The following IGSF9B variants were observed in gnomAD, a reference collection of about 807,000 sequenced individuals.
The protein encoded by IGSF9B is immunoglobulin superfamily member 9B, also known as protein turtle homolog B.
In IGSF9B, 48 loss-of-function variants were observed where a neutral mutation model predicts 143.7. That is an observed-to-expected ratio of 0.33 (90% confidence interval 0.26 to 0.42). IGSF9B has a LOEUF of 0.42. Ranked by LOEUF, IGSF9B falls within the 20% of genes least tolerant of loss-of-function variation. The probability of loss-of-function intolerance (pLI) is 1.00; values close to 1 mark genes in which losing one functional copy is unlikely to be tolerated. For synonymous variants in IGSF9B, 903 were observed against 833.1 expected, an observed-to-expected ratio of 1.08 and a Z score of -1.44; for missense variants, 1,706 against 1,980.0, an observed-to-expected ratio of 0.86 and a Z score of 2.63.
At chr11:133,910,545 T>C (rs1224796162) in intron 19 of IGSF9B, among the ~76,000 whole-genome samples, 1 of 152,154 alleles carries the variant, frequency 6.6e-6, no homozygotes, top group Non-Finnish European at 1.5e-5. Context: ...GTGCTAGTGA[T>C]TAAACCGAGG....
chr11:133,914,511 GTA>G (rs1397004953), intron 18 of IGSF9B, among the ~76,000 whole-genome samples: 1 of 152,188 alleles, frequency 6.6e-6, no homozygotes, highest in Non-Finnish European at 1.5e-5. Flanking sequence ...TGCTTAAGTT[GTA>G]TCGTCAAAGC....
chr11:133,899,525 G>A lies in IGSF9B; in HGVS notation c.*9544C>T, dbSNP rs1369148643. The stretch of plus-strand genomic sequence containing the variant: ...TCCCTTTCCCTCCCCAAAATGAAGA[G>A]TCCTGTTGGAGGCTGAGGAATAGAA... On this transcript the variant is annotated 3_prime_UTR_variant, in exon 20 of 20. Coordinates refer to ENST00000533871, the MANE Select transcript of IGSF9B (RefSeq NM_001277285.4). 2.0e-5 allele frequency: 3 copies of A among 152,464 alleles called. No homozygotes were observed. Among genetic ancestry groups the A allele is most frequent in the Admixed American group, 2.0e-4 (3 of 15,290 alleles). 9.4% of individuals were successfully genotyped at this position (152,464 alleles called of 1,614,324 possible). A position where few individuals can be genotyped will look rare whatever the true frequency, so the allele number is the denominator to read the frequency against.
intron 1 of IGSF9B, among the ~76,000 whole-genome samples, chr11:133,956,122 G>C (rs1940247932): frequency 6.6e-6 from 1 of 152,126 alleles, no homozygotes; most frequent in Admixed American, 6.5e-5. Flanking sequence ...AGGGGGATCC[G>C]ACCTCCAGCT....
chr11:133,926,443 G>A (rs1258276692), intron 13 of IGSF9B, among the ~76,000 whole-genome samples: 1 of 152,228 alleles, frequency 6.6e-6, no homozygotes, highest in Non-Finnish European at 1.5e-5. Flanking sequence ...CCTGTTCACA[G>A]TGGCCCTTTC....
chr11:133,910,106 C>G (rs1418062105), intron 19 of IGSF9B, among the ~76,000 whole-genome samples: 1 of 152,170 alleles, frequency 6.6e-6, no homozygotes, highest in Non-Finnish European at 1.5e-5. Flanking sequence ...GCAAGAAAGA[C>G]AGGCAGGGCA....
intron 1 of IGSF9B, among the ~76,000 whole-genome samples, chr11:133,950,292 A>G (rs1039627877): frequency 6.6e-6 from 1 of 152,232 alleles, no homozygotes; most frequent in African/African-American, 2.4e-5. Context: ...TGTGAGGAGC[A>G]GGGCCGGGCG....
intron 7 of IGSF9B, among the ~76,000 whole-genome samples, chr11:133,935,398 G>C (rs1270747429): frequency 6.6e-6 from 1 of 152,224 alleles, no homozygotes; most frequent in Non-Finnish European, 1.5e-5. Context: ...TGTACTGGCT[G>C]AACAGCGACG....
Position 133,937,307 on chromosome 11 carries a change from C to T in IGSF9B, c.679+69G>A, listed in dbSNP as rs545919737. 127 of 1,221,808 alleles carry T rather than the reference C, an allele frequency of 1.0e-4. 2 individuals carry two copies. In the South Asian group the frequency reaches 1.6e-3, roughly 15 times the overall value. The allele number at this position is 1,221,808 out of a possible 1,614,324, so 75.7% of individuals were successfully genotyped here. A position where few individuals can be genotyped will look rare whatever the true frequency, so the allele number is the denominator to read the frequency against. On this transcript the variant is annotated intron_variant, in intron 5 of 19. Coordinates refer to ENST00000533871, the MANE Select transcript of IGSF9B (RefSeq NM_001277285.4). ...AGCTGAGCCCTGGGAAAACGCCCTCCGTAGCTCAGCCGGGCTGGACATCCC... is the reference window on the plus strand; with the variant it reads ...AGCTGAGCCCTGGGAAAACGCCCTCTGTAGCTCAGCCGGGCTGGACATCCC...
chr11:133,921,500 C>T (rs544971580), intron 17 of IGSF9B, 103 bp from the exon 18 acceptor site: 8 of 881,720 alleles, frequency 9.1e-6, no homozygotes, highest in South Asian at 4.2e-5. Context: ...AGGATCCTCA[C>T]GCTCAAGAAA....
intron 7 of IGSF9B, among the ~76,000 whole-genome samples, chr11:133,933,930 T>C (rs913706652): frequency 1.3e-5 from 2 of 151,778 alleles, no homozygotes; most frequent in Non-Finnish European, 1.5e-5. Context: ...GTTACATAAA[T>C]ACCAGGCCGA....
Position 133,953,752 on chromosome 11 carries a change from A to G in IGSF9B, c.64+2939T>C, listed in dbSNP as rs1940204581. Reference sequence around the variant, plus strand: ...ATCCAAGGTCCACAATCAGCTAAGCACGGCCCAGGGTCCTCCCACAGAGTA... The same window carrying G: ...ATCCAAGGTCCACAATCAGCTAAGCGCGGCCCAGGGTCCTCCCACAGAGTA... On this transcript the variant is annotated intron_variant, in intron 1 of 19. Coordinates refer to ENST00000533871, the MANE Select transcript of IGSF9B (RefSeq NM_001277285.4). This position sits in a 1 kb window ranked among gnomAD's most constrained non-coding sequence, Gnocchi z 4.2. Among the ~76,000 whole-genome samples the G allele has an allele frequency of 6.6e-6, 1 of 152,108 alleles. No individual in the cohort carries two copies. Among genetic ancestry groups the G allele is most frequent in the East Asian group, 1.9e-4 (1 of 5,178 alleles).
intron 1 of IGSF9B, among the ~76,000 whole-genome samples, chr11:133,947,733 T>TCTCTCTCTCTCTCG: frequency 6.6e-6 from 1 of 151,604 alleles, no homozygotes; most frequent in East Asian, 1.9e-4. Flanking sequence ...TCTCTCTCTC[T>TCTCTCTCTCTCTCG]CTCTCTCGCA....
rs1170621309 is a variant in IGSF9B, at chr11:133,948,030, CCT to C, written c.65-1774_65-1773del. 4.7e-5 allele frequency among the ~76,000 whole-genome samples: 7 copies of C among 149,692 alleles called. No homozygotes were observed. The highest frequency in any genetic ancestry group is 2.1e-4 in the South Asian group (1 of 4,708). On this transcript the variant is annotated intron_variant, in intron 1 of 19. Transcript: ENST00000533871. This position sits in a 1 kb window ranked among gnomAD's most constrained non-coding sequence, Gnocchi z 4.7. ...CTGTGTCTACCTGCCTATCTCTCTC[CCT>C]GTTTCTGTCTACCAGCATGTGTGCG... is the stretch of plus-strand genomic sequence containing the variant.
At position 133,921,295 on chromosome 11, in the gene IGSF9B, G is replaced by T; in HGVS notation, c.2430C>A (p.Ser810Arg). 1 of 1,609,872 alleles carries T rather than the reference G, an allele frequency of 6.2e-7. No homozygotes were observed. Residue 810 changes from serine to arginine, a missense_variant, in exon 18 of 20, where the codon AGC becomes AGA. Ser to Arg is a moderately radical substitution (Grantham distance 110). Coordinates refer to ENST00000533871, the MANE Select transcript of IGSF9B (RefSeq NM_001277285.4). ...QGQPAAKRML[S>R]PTREKELSLY... ...GCGACAGCTCCTTCTCACGGGTGGG[G>T]CTCAGCATCCTCTTGGCCGCGGGCT...
chr11:133,910,537 G>A lies in IGSF9B; in HGVS notation c.4106-1260C>T, dbSNP rs118011574. 4.1e-3 allele frequency among the ~76,000 whole-genome samples: 624 copies of A among 152,330 alleles called. 1 individual carries two copies. The highest frequency in any genetic ancestry group is 7.0e-3 in the Non-Finnish European group (478 of 68,038). ...GCCTGACACCCCAGTGGGTACCAGT[G>A]CTAGTGATTAAACCGAGGAAGAGCT... On this transcript the variant is annotated intron_variant, in intron 19 of 19. Transcript: ENST00000533871.
rs1324211003 is a variant in IGSF9B, at chr11:133,897,744, G to C, written c.*11325C>G. 3 of 152,208 alleles carry C rather than the reference G, an allele frequency of 2.0e-5. No homozygotes were observed. The highest frequency in any genetic ancestry group is 7.2e-5 in the African/African-American group (3 of 41,446). The allele number at this position is 152,208 out of a possible 1,614,324, so 9.4% of individuals were successfully genotyped here. A position where few individuals can be genotyped will look rare whatever the true frequency, so the allele number is the denominator to read the frequency against. On this transcript the variant is annotated 3_prime_UTR_variant, in exon 20 of 20. Transcript: ENST00000533871. ...AAATAGTGGTTTTATTTACTTTTGA[G>C]TTACATACCTGAAGTTCAAAAAGTA...
rs1334506914 is a variant in IGSF9B at position 133,910,955 on chromosome 11, T to A, written c.4105+931A>T. On this transcript the variant is annotated intron_variant, in intron 19 of 19. Coordinates refer to ENST00000533871, the MANE Select transcript of IGSF9B (RefSeq NM_001277285.4). ...CTTTTTCTCTGCCTCAGTATTTCCA[T>A]CTGTAAACTGAAAGTATACTAGTAC... Among the ~76,000 whole-genome samples, 9 of 152,290 alleles carry A rather than the reference T, an allele frequency of 5.9e-5. No homozygotes were observed. The East Asian group carries it at 1.7e-3, about 29-fold the overall frequency.
intron 17 of IGSF9B, among the ~76,000 whole-genome samples, chr11:133,921,810 T>C (rs935140254): frequency 1.3e-5 from 2 of 152,072 alleles, no homozygotes; most frequent in African/African-American, 4.8e-5. Flanking sequence ...TCCCCTCTTT[T>C]CAAGACAAGC....
At chr11:133,938,302 C>T (rs2121323765) in intron 3 of IGSF9B, among the ~76,000 whole-genome samples, 1 of 152,304 alleles carries the variant, frequency 6.6e-6, no homozygotes, top group African/African-American at 2.4e-5. Context: ...TATGATGATC[C>T]ATGACACACA....
Sources: gnomAD v4.1 joint callset for allele counts (sites outside exome capture counted in the v4.1 genomes callset) on GRCh38, gnomAD v4.1.1 for gene constraint, Gnocchi (gnomAD v3.1) non-coding constraint, MANE v1.5 for transcripts, NCBI Gene and HGNC (gene_info 2026-07-23, HGNC 2026-07-21) for gene names.